The following ZFYVE28 variants were observed in gnomAD, a reference collection of about 807,000 sequenced individuals.
ZFYVE28 encodes the protein lateral signaling target protein 2 homolog.
In ZFYVE28, 40 loss-of-function variants were observed where a neutral mutation model predicts 82.1. The observed-to-expected ratio is 0.49, with a 90% CI of 0.38 to 0.63. ZFYVE28 has a LOEUF of 0.63. Among genes scored for constraint, ZFYVE28 ranks in the 30% least tolerant of loss-of-function variants. The pLI, the probability that ZFYVE28 is intolerant of heterozygous loss-of-function variation, is 0.00. For synonymous variants in ZFYVE28, 612 were observed against 546.1 expected, an observed-to-expected ratio of 1.12 and a Z score of -1.68; for missense variants, 1,321 against 1,242.1, an observed-to-expected ratio of 1.06 and a Z score of -0.96.
intron 1 of ZFYVE28, among the ~76,000 whole-genome samples, chr4:2,384,155 C>T (rs1729011466): frequency 6.6e-6 from 1 of 152,198 alleles, no homozygotes; most frequent in South Asian, 2.1e-4. Flanking sequence ...GAAGAGGCCC[C>T]CGGGACTGTC....
At chr4:2,406,997 G>A (rs1436532189) in intron 1 of ZFYVE28, among the ~76,000 whole-genome samples, 3 of 152,014 alleles carry the variant, frequency 2.0e-5, no homozygotes, top group Non-Finnish European at 2.9e-5. Flanking sequence ...CTCAGTGCCA[G>A]CTCTGATTGC....
At chr4:2,401,062 C>A (rs1288797390) in intron 1 of ZFYVE28, among the ~76,000 whole-genome samples, 1 of 152,200 alleles carries the variant, frequency 6.6e-6, no homozygotes, top group Non-Finnish European at 1.5e-5. Context: ...GAGAATGTCC[C>A]CAGGTGAGCA....
At chr4:2,377,079 T>C (rs1045923738) in intron 1 of ZFYVE28, among the ~76,000 whole-genome samples, 1 of 151,652 alleles carries the variant, frequency 6.6e-6, no homozygotes, top group African/African-American at 2.4e-5. Context: ...TGGAGTGCAG[T>C]GGCGCGATCT....
intron 1 of ZFYVE28, among the ~76,000 whole-genome samples, chr4:2,376,995 C>T (rs560239308): frequency 3.3e-5 from 5 of 151,938 alleles, no homozygotes; most frequent in African/African-American, 1.2e-4. Flanking sequence ...CATCCTATTT[C>T]TATTGGACAG....
In ZFYVE28 at chr4:2,409,698, G is replaced by T. The variant is rs1560357362; in HGVS notation, c.39+8587C>A. Among the ~76,000 whole-genome samples the T allele has an allele frequency of 6.6e-6, 1 of 152,246 alleles. No individual in the cohort carries two copies. The highest frequency in any genetic ancestry group is 1.5e-5 in the Non-Finnish European group (1 of 68,044). On this transcript the variant is annotated intron_variant, in intron 1 of 12. Coordinates refer to ENST00000290974, the MANE Select transcript of ZFYVE28 (RefSeq NM_020972.3). This position sits in a 1 kb window ranked among gnomAD's most constrained non-coding sequence, Gnocchi z 4.4. Reference sequence around the variant, plus strand: ...AGTCCAGTACACCCACGGTGGGGTGGGGGGGCTGACCCCTGCGGGCAGCTC... The same window carrying T: ...AGTCCAGTACACCCACGGTGGGGTGTGGGGGCTGACCCCTGCGGGCAGCTC...
chr4:2,346,233 G>A (rs561899570), intron 2 of ZFYVE28, among the ~76,000 whole-genome samples: 9 of 149,832 alleles, frequency 6.0e-5, no homozygotes, highest in South Asian at 4.2e-4. Flanking sequence ...TCCCAGCTAC[G>A]TGGGGGGCTG....
intron 1 of ZFYVE28, among the ~76,000 whole-genome samples, chr4:2,397,843 G>C (rs1008018247): frequency 6.6e-6 from 1 of 152,122 alleles, no homozygotes; most frequent in African/African-American, 2.4e-5. Flanking sequence ...TGGCTATTCG[G>C]AATGACATTG....
chr4:2,368,226 A>AAAAAAAAAAAAAAC (rs1553856593), intron 1 of ZFYVE28, among the ~76,000 whole-genome samples: 13 of 150,076 alleles, frequency 8.7e-5, no homozygotes, highest in African/African-American at 3.0e-4. Context: ...AAAAAAAAAA[A>AAAAAAAAAAAAAAC]AAAACACTGT....
intron 6 of ZFYVE28, chr4:2,329,248 G>T: frequency 2.1e-6 from 1 of 483,280 alleles, no homozygotes; most frequent in Non-Finnish European, 3.7e-6. Flanking sequence ...TCCCATCCAT[G>T]AACATGGAAT....
chr4:2,368,896 C>T (rs931510511), intron 1 of ZFYVE28, among the ~76,000 whole-genome samples: 10 of 152,212 alleles, frequency 6.6e-5, no homozygotes, highest in Admixed American at 5.9e-4. Context: ...GGCTACTTTC[C>T]AAAGAGGCTG....
chr4:2,302,974 T>G (rs1381052370), intron 8 of ZFYVE28, among the ~76,000 whole-genome samples: 1 of 152,202 alleles, frequency 6.6e-6, no homozygotes, highest in Non-Finnish European at 1.5e-5. Context: ...GCGCCCTCGT[T>G]AAGCCGAGCC....
chr4:2,404,660 G>A (rs1003410541), intron 1 of ZFYVE28, among the ~76,000 whole-genome samples: 2 of 152,192 alleles, frequency 1.3e-5, no homozygotes, highest in African/African-American at 2.4e-5. Flanking sequence ...CCAACTGGAG[G>A]TTCCAGGGGC....
chr4:2,358,168 A>G (rs1044429597), intron 1 of ZFYVE28, among the ~76,000 whole-genome samples: 1 of 152,216 alleles, frequency 6.6e-6, no homozygotes, highest in African/African-American at 2.4e-5. Flanking sequence ...AAGTATGTAC[A>G]TGTACACACA....
At chr4:2,328,906 G>T in intron 6 of ZFYVE28, 1 of 400,090 alleles carries the variant, frequency 2.5e-6, no homozygotes, top group Non-Finnish European at 4.5e-6. Flanking sequence ...GAATGATCTT[G>T]GCCCCCTTGT....
chr4:2,331,108 A>C, intron 6 of ZFYVE28: 6 of 22,632 alleles, frequency 2.7e-4, no homozygotes, highest in East Asian at 1.5e-3. Context: ...CTGGGGAGGG[A>C]GGGAGGGGTA....
In ZFYVE28 at chr4:2,394,181, G is replaced by A. The variant is rs1433026441; in HGVS notation, c.39+24104C>T. ...CTCCTGTGGTTCCACTGGGGCCACC[G>A]ACATAATCCAGGAAAATTTCATGAT... is the stretch of plus-strand genomic sequence containing the variant. On this transcript the variant is annotated intron_variant, in intron 1 of 12. Coordinates refer to ENST00000290974, the MANE Select transcript of ZFYVE28 (RefSeq NM_020972.3). This position sits in a 1 kb window ranked among gnomAD's most constrained non-coding sequence, Gnocchi z 4.0. Among the ~76,000 whole-genome samples, 10 of 152,262 alleles carry A rather than the reference G, an allele frequency of 6.6e-5. No homozygotes were observed. In the South Asian group the frequency reaches 1.0e-3, roughly 16 times the overall value.
At chr4:2,400,436 C>T (rs1370576556) in intron 1 of ZFYVE28, among the ~76,000 whole-genome samples, 1 of 37,220 alleles carries the variant, frequency 2.7e-5, no homozygotes, top group Non-Finnish European at 5.5e-5. Context: ...TCTGTCCCAC[C>T]GCAATTCGAC....
intron 8 of ZFYVE28, among the ~76,000 whole-genome samples, chr4:2,276,689 G>A (rs6826972): frequency 0.46 from 70,074 of 151,838 alleles, 17,294 homozygotes; most frequent in Non-Finnish European, 0.54. Flanking sequence ...AGATCATGCT[G>A]AGTGAAACAA....
intron 5 of ZFYVE28, 79 bp downstream of exon 5, chr4:2,337,328 C>T (rs1721984663): frequency 1.5e-6 from 2 of 1,304,580 alleles, no homozygotes; most frequent in South Asian, 1.4e-5. Context: ...TCCCCCAGAG[C>T]TGCCCTCTGC....
Sources: gnomAD v4.1 joint callset for allele counts (sites outside exome capture counted in the v4.1 genomes callset) on GRCh38, gnomAD v4.1.1 for gene constraint, Gnocchi (gnomAD v3.1) non-coding constraint, MANE v1.5 for transcripts, NCBI Gene and HGNC (gene_info 2026-07-23, HGNC 2026-07-21) for gene names.